VTI1A: variants seen among roughly 807,000 people sequenced by gnomAD.
VTI1A encodes the protein vesicle transport through interaction with t-SNAREs homolog 1A.
Under a neutral mutation model 34.9 loss-of-function variants are expected in VTI1A, and 22 were observed. The observed-to-expected ratio is 0.63, with a 90% CI of 0.45 to 0.90. VTI1A has a LOEUF of 0.90. VTI1A is among the 40% of genes least tolerant of loss of function. The pLI, the probability that VTI1A is intolerant of heterozygous loss-of-function variation, is 0.00. For missense variants in VTI1A, 268 were observed against 275.6 expected (o/e 0.97, Z 0.20); for synonymous variants, 87 against 97.3 (o/e 0.89, Z 0.62).
chr10:112,581,666 T>C (rs1404957497), intron 5 of VTI1A, among the ~76,000 whole-genome samples: 2 of 152,232 alleles, frequency 1.3e-5, no homozygotes, highest in Non-Finnish European at 2.9e-5. Flanking sequence ...AATTTCCATT[T>C]ATGTTTATAG....
intron 7 of VTI1A, among the ~76,000 whole-genome samples, chr10:112,681,092 T>TA (rs397725824): frequency 6.6e-6 from 1 of 150,856 alleles, no homozygotes; most frequent in Non-Finnish European, 1.5e-5. Context: ...TTTTTTTTTT[T>TA]AAAGGGACAG....
At chr10:112,681,867 G>T (rs552371980) in intron 7 of VTI1A, among the ~76,000 whole-genome samples, 31 of 152,178 alleles carry the variant, frequency 2.0e-4, no homozygotes, top group Admixed American at 5.2e-4. Flanking sequence ...TTATTTTATT[G>T]TGGCATATTA....
At chr10:112,580,703 G>T (rs1283532655) in intron 5 of VTI1A, among the ~76,000 whole-genome samples, 2 of 152,112 alleles carry the variant, frequency 1.3e-5, no homozygotes, top group African/African-American at 2.4e-5. Context: ...CAGGCCAGAT[G>T]GGGAGGCAGT....
intron 7 of VTI1A, among the ~76,000 whole-genome samples, chr10:112,728,719 T>A (rs892659179): frequency 1.3e-5 from 2 of 152,222 alleles, no homozygotes; most frequent in African/African-American, 4.8e-5. Flanking sequence ...CCTAGTGTTC[T>A]CGGACAATAT....
intron 4 of VTI1A, among the ~76,000 whole-genome samples, chr10:112,535,525 T>G (rs998806154): frequency 2.0e-5 from 3 of 152,160 alleles, no homozygotes; most frequent in African/African-American, 7.2e-5. Flanking sequence ...CTTTCTGGGC[T>G]CAGTTTTGGA....
At chr10:112,655,179 C>G (rs1345841446) in intron 5 of VTI1A, among the ~76,000 whole-genome samples, 1 of 152,148 alleles carries the variant, frequency 6.6e-6, no homozygotes, top group East Asian at 1.9e-4. Context: ...TGTGGATTCA[C>G]GGCCCAGCAA....
At chr10:112,656,782 A>C (rs2133812890) in intron 5 of VTI1A, among the ~76,000 whole-genome samples, 1 of 152,010 alleles carries the variant, frequency 6.6e-6, no homozygotes, top group South Asian at 2.1e-4. Flanking sequence ...ATCATCCTTG[A>C]TATGGTTTGG....
chr10:112,663,682 G>T (rs1017922013), intron 5 of VTI1A, among the ~76,000 whole-genome samples: 3 of 152,180 alleles, frequency 2.0e-5, no homozygotes, highest in African/African-American at 7.2e-5. Context: ...TGCCCAGGAA[G>T]CTATGCTAAA....
rs1464471237 is a variant in VTI1A at position 112,763,032 on chromosome 10, G to T, written c.561-52258G>T. The stretch of plus-strand genomic sequence containing the variant: ...GCACCAAAAACTCCATACCCAGACA[G>T]CCCCTGCCACTTGGCTCTGGACTCA... On this transcript the variant is annotated intron_variant, in intron 7 of 7. Coordinates refer to ENST00000393077, the MANE Select transcript of VTI1A (RefSeq NM_145206.4). 2.6e-5 allele frequency among the ~76,000 whole-genome samples: 4 copies of T among 152,224 alleles called. No homozygotes were observed. The East Asian group carries it at 7.7e-4, about 29-fold the overall frequency.
intron 5 of VTI1A, among the ~76,000 whole-genome samples, chr10:112,546,003 CGTAT>C (rs1459489438): frequency 1.5e-5 from 2 of 135,258 alleles, no homozygotes; most frequent in Admixed American, 7.0e-5. Context: ...CGTGTATACG[CGTAT>C]GTGTGTGTAT....
chr10:112,581,673 A>G (rs1346154316), intron 5 of VTI1A, among the ~76,000 whole-genome samples: 3 of 152,218 alleles, frequency 2.0e-5, no homozygotes, highest in African/African-American at 7.2e-5. Flanking sequence ...ATTTATGTTT[A>G]TAGAGATCTA....
At chr10:112,710,678 C>G (rs1311416115) in intron 7 of VTI1A, among the ~76,000 whole-genome samples, 1 of 152,088 alleles carries the variant, frequency 6.6e-6, no homozygotes, top group Admixed American at 6.5e-5. Context: ...TGAGCTCATG[C>G]TTTGCCTGCT....
At chr10:112,806,580 C>G (rs1335084861) in intron 7 of VTI1A, among the ~76,000 whole-genome samples, 1 of 151,156 alleles carries the variant, frequency 6.6e-6, no homozygotes, top group Non-Finnish European at 1.5e-5. Context: ...GCCACCGTGC[C>G]CAGCCTTATT....
chr10:112,609,559 G>A (rs1845213440), intron 5 of VTI1A, among the ~76,000 whole-genome samples: 1 of 152,114 alleles, frequency 6.6e-6, no homozygotes, highest in Admixed American at 6.5e-5. Flanking sequence ...TACATGAATG[G>A]TATGGTAGAT....
chr10:112,848,012 GA>G, the VTI1A span, among the ~76,000 whole-genome samples: 7 of 151,906 alleles, frequency 4.6e-5, no homozygotes, highest in East Asian at 1.9e-4. Flanking sequence ...TGAATCATGA[GA>G]AAAAAAATAA....
At chr10:112,830,822 CATATAT>C in the VTI1A span, among the ~76,000 whole-genome samples, 89 of 54,720 alleles carry the variant, frequency 1.6e-3, 2 homozygotes, top group Non-Finnish European at 2.2e-3. Flanking sequence ...CTAAAACCCT[CATATAT>C]ATATATATAT....
At chr10:112,734,307 G>T (rs1195655874) in intron 7 of VTI1A, among the ~76,000 whole-genome samples, 1 of 151,984 alleles carries the variant, frequency 6.6e-6, no homozygotes, top group South Asian at 2.1e-4. Flanking sequence ...ACTGTTCGGG[G>T]GTCTCTGGCC....
intron 4 of VTI1A, among the ~76,000 whole-genome samples, chr10:112,530,812 A>G (rs1275810563): frequency 6.6e-6 from 1 of 152,158 alleles, no homozygotes; most frequent in African/African-American, 2.4e-5. Flanking sequence ...GAAGGTCGGT[A>G]TCATTTCATA....
chr10:112,793,035 T>C (rs1214517704), intron 7 of VTI1A, among the ~76,000 whole-genome samples: 1 of 152,210 alleles, frequency 6.6e-6, no homozygotes, highest in African/African-American at 2.4e-5. Flanking sequence ...TCTGCAGTAA[T>C]TGTCGCACAC....
Sources: allele counts gnomAD v4.1 joint callset (sites outside exome capture counted in the v4.1 genomes callset), GRCh38; gene constraint gnomAD v4.1.1; transcripts MANE v1.5; gene names NCBI Gene and HGNC (gene_info 2026-07-23, HGNC 2026-07-21).